RALA: variants seen among roughly 807,000 people sequenced by gnomAD.
RALA encodes ras-related protein Ral-A.
In RALA, 5 loss-of-function variants were observed where a neutral mutation model predicts 24.0. That is an observed-to-expected ratio of 0.21 (90% CI 0.11 to 0.44). RALA has a LOEUF of 0.44. Ranked by LOEUF, RALA falls within the 20% of genes least tolerant of loss-of-function variation. The pLI is 0.99. For synonymous variants in RALA, 77 were observed against 83.8 expected (o/e 0.92, Z 0.44); for missense variants, 95 against 241.2 (o/e 0.39, Z 4.01).
intron 1 of RALA, among the ~76,000 whole-genome samples, chr7:39,679,527 A>G (rs967617819): frequency 3.3e-5 from 5 of 152,120 alleles, no homozygotes; most frequent in African/African-American, 1.2e-4. Flanking sequence ...TTCTGTGACT[A>G]TTCATATTTT....
At chr7:39,666,853 T>TTTG (rs1300746039) in intron 1 of RALA, among the ~76,000 whole-genome samples, 1 of 152,210 alleles carries the variant, frequency 6.6e-6, no homozygotes, top group African/African-American at 2.4e-5. Flanking sequence ...ACATTCCTGG[T>TTTG]TTGTAAAAAT....
At position 39,706,109 on chromosome 7, in the gene RALA, T is replaced by G; in HGVS notation, c.499-14T>G. 1 of 1,591,670 alleles carries G rather than the reference T, an allele frequency of 6.3e-7. No homozygotes were observed. The highest frequency in any genetic ancestry group is 8.6e-7 in the Non-Finnish European group (1 of 1,167,502). On this transcript the variant is annotated splice_polypyrimidine_tract_variant and intron_variant, in intron 4 of 4. Transcript: ENST00000005257. ...ATCTGTTTGCTTTATTTATCCTATT[T>G]TTTTTCTTTCTAGGTATTTTTTGAT...
intron 4 of RALA, among the ~76,000 whole-genome samples, chr7:39,699,078 C>T (rs1456566583): frequency 6.7e-6 from 1 of 150,232 alleles, no homozygotes; most frequent in Non-Finnish European, 1.5e-5. Context: ...TTTTGTGATA[C>T]CCATCAGAAT....
chr7:39,653,769 T>A (rs1484069363), intron 1 of RALA, among the ~76,000 whole-genome samples: 1 of 152,214 alleles, frequency 6.6e-6, no homozygotes, highest in African/African-American at 2.4e-5. Context: ...TAGTACATTG[T>A]ACTTCCAGGT....
intron 1 of RALA, among the ~76,000 whole-genome samples, chr7:39,646,319 TAAA>T (rs1207315083): frequency 1.3e-5 from 2 of 150,478 alleles, no homozygotes; most frequent in Admixed American, 6.6e-5. Flanking sequence ...AAATAAAAAA[TAAA>T]AACAAGCCCA....
chr7:39,699,182 G>A (rs1474734076), intron 4 of RALA, among the ~76,000 whole-genome samples: 3 of 122,354 alleles, frequency 2.5e-5, no homozygotes, highest in East Asian at 2.4e-4. Flanking sequence ...CGCCCAGGCC[G>A]GACTGCGGAC....
intron 1 of RALA, among the ~76,000 whole-genome samples, chr7:39,652,566 G>T (rs1792037217): frequency 6.6e-6 from 1 of 152,130 alleles, no homozygotes. Context: ...AATCATAGGA[G>T]TAACATAAAC....
intron 1 of RALA, among the ~76,000 whole-genome samples, chr7:39,667,204 GA>G (rs964962471): frequency 1.3e-5 from 2 of 152,132 alleles, no homozygotes; most frequent in Non-Finnish European, 2.9e-5. Flanking sequence ...GAATGTCTTG[GA>G]ATTTTTTTTA....
rs1371477952 is a variant in RALA, at chr7:39,645,335, A to G, written c.-38+21510A>G. The stretch of plus-strand genomic sequence containing the variant: ...GGGAGGTGGGGGCAGAAGGGTTCAG[A>G]AAGAACATTTCGTTTTTAAGGCAGT... On this transcript the variant is annotated intron_variant, in intron 1 of 4. Coordinates refer to ENST00000005257, the MANE Select transcript of RALA (RefSeq NM_005402.4). 2.0e-5 allele frequency among the ~76,000 whole-genome samples: 3 copies of G among 152,300 alleles called. No individual in the cohort carries two copies. In the East Asian group the frequency reaches 5.8e-4, roughly 29 times the overall value.
rs761525420 is a variant in RALA at position 39,707,117 on chromosome 7, C to G, written c.*872C>G. On this transcript the variant is annotated 3_prime_UTR_variant, in exon 5 of 5. Coordinates refer to ENST00000005257, the MANE Select transcript of RALA (RefSeq NM_005402.4). ...AATGAAGGGCCAGCATATATACTTG[C>G]AAGATAATTTTCAGCTGCAAGGATT... 2.0e-5 allele frequency: 3 copies of G among 152,552 alleles called. No homozygotes were observed. The highest frequency in any genetic ancestry group is 7.2e-5 in the African/African-American group (3 of 41,418). The allele number at this position is 152,552 out of a possible 1,614,324, so 9.4% of individuals were successfully genotyped here.
intron 1 of RALA, among the ~76,000 whole-genome samples, chr7:39,644,966 A>G (rs958268148): frequency 6.6e-6 from 1 of 152,196 alleles, no homozygotes; most frequent in Non-Finnish European, 1.5e-5. Context: ...CACGTGACAG[A>G]TTTGTGCAAA....
intron 4 of RALA, among the ~76,000 whole-genome samples, chr7:39,699,838 A>G (rs1792991704): frequency 6.6e-6 from 1 of 152,206 alleles, no homozygotes. Flanking sequence ...ACTTTTTGCC[A>G]TATTCATGGA....
At chr7:39,630,536 A>G (rs1487726842) in intron 1 of RALA, among the ~76,000 whole-genome samples, 1 of 152,194 alleles carries the variant, frequency 6.6e-6, no homozygotes. Flanking sequence ...AGTCAAATAT[A>G]TAAATTTTAA....
chr7:39,635,616 G>A (rs1043971028), intron 1 of RALA, among the ~76,000 whole-genome samples: 2 of 152,126 alleles, frequency 1.3e-5, no homozygotes, highest in South Asian at 4.1e-4. Flanking sequence ...GTTTTTCCAC[G>A]GACCAGGGGA....
intron 1 of RALA, among the ~76,000 whole-genome samples, chr7:39,635,022 A>C (rs1791663346): frequency 6.6e-6 from 1 of 152,148 alleles, no homozygotes; most frequent in African/African-American, 2.4e-5. Flanking sequence ...ATTTATTGGG[A>C]TATAATTCAC....
chr7:39,641,977 C>G (rs1161503270), intron 1 of RALA, among the ~76,000 whole-genome samples: 12 of 152,080 alleles, frequency 7.9e-5, no homozygotes, highest in Non-Finnish European at 4.4e-5. Context: ...TTGAAAAATT[C>G]TGGCTTGAGA....
At chr7:39,666,363 T>C (rs919567365) in intron 1 of RALA, among the ~76,000 whole-genome samples, 20 of 152,182 alleles carry the variant, frequency 1.3e-4, no homozygotes, top group Non-Finnish European at 2.6e-4. Context: ...CCTGTGTGTG[T>C]TGGAAGGTGA....
At chr7:39,669,648 C>CA (rs899539275) in intron 1 of RALA, among the ~76,000 whole-genome samples, 11 of 150,968 alleles carry the variant, frequency 7.3e-5, no homozygotes, top group African/African-American at 1.5e-4. Flanking sequence ...CCTGTCTGTA[C>CA]AAAAAAAATA....
chr7:39,640,412 T>A (rs1194097314), intron 1 of RALA, among the ~76,000 whole-genome samples: 1 of 152,252 alleles, frequency 6.6e-6, no homozygotes, highest in Non-Finnish European at 1.5e-5. Context: ...TTCATGTGCT[T>A]CTTAGCCATT....
Sources: gnomAD v4.1 joint callset for allele counts (sites outside exome capture counted in the v4.1 genomes callset) on GRCh38, gnomAD v4.1.1 for gene constraint, MANE v1.5 for transcripts, NCBI Gene and HGNC (gene_info 2026-07-23, HGNC 2026-07-21) for gene names.